The following LMNB2 variants were observed in gnomAD, a reference collection of about 807,000 sequenced individuals.
LMNB2 encodes lamin-B2.
LMNB2 carries 17 observed loss-of-function variants against 69.3 expected under a neutral mutation model. The ratio of observed to expected loss-of-function variants is 0.25; its 90% CI spans 0.17 to 0.37. The LOEUF (loss-of-function observed/expected upper bound fraction) is 0.37. LMNB2 is among the 10% of genes least tolerant of loss of function. The pLI is 1.00. For synonymous variants in LMNB2, 397 were observed against 389.3 expected (o/e 1.02, Z -0.23); for missense variants, 789 against 883.6 (o/e 0.89, Z 1.36).
At position 2,453,138 on chromosome 19, in the gene LMNB2, G is replaced by A. The variant is rs560443251; in HGVS notation, c.264+3532C>T. 2.8e-4 allele frequency among the ~76,000 whole-genome samples: 42 copies of A among 152,184 alleles called. 1 individual carries two copies. The highest frequency in any genetic ancestry group is 9.4e-4 in the African/African-American group (39 of 41,512). On this transcript the variant is annotated intron_variant, in intron 1 of 11. Coordinates refer to ENST00000325327, the MANE Select transcript of LMNB2 (RefSeq NM_032737.4). This position sits in a 1 kb window ranked among gnomAD's most constrained non-coding sequence, Gnocchi z 4.4. ...CAGGTGATTCTCTTCTCGGGGCGCT[G>A]AGCAGTACCCAGCCTCCACCCACGC...
chr19:2,431,687 C>G lies in LMNB2; in HGVS notation c.1711-29G>C, dbSNP rs916303495. ...TGCGGGACAGGACACGGCGGCATGT[C>G]CCGGGATCGGGCCCAGAGCTGCTGT... On this transcript the variant is annotated intron_variant, in intron 10 of 11. Coordinates refer to ENST00000325327, the MANE Select transcript of LMNB2 (RefSeq NM_032737.4). 2.5e-6 allele frequency: 4 copies of G among 1,613,906 alleles called. No homozygotes were observed. The African/African-American group carries it at 5.3e-5, about 22-fold the overall frequency.
chr19:2,434,248 G>A (rs773199092), intron 7 of LMNB2, 47 bp downstream of exon 7: 2 of 1,548,990 alleles, frequency 1.3e-6, no homozygotes, highest in Non-Finnish European at 1.8e-6. Flanking sequence ...CTCCTGCCCT[G>A]CCCCTCCTCC....
chr19:2,452,896 C>T (rs146742890), intron 1 of LMNB2, among the ~76,000 whole-genome samples: 1 of 148,176 alleles, frequency 6.7e-6, no homozygotes, highest in Non-Finnish European at 1.5e-5. Flanking sequence ...ATGGAGGCTG[C>T]GTCATCCTCG....
rs1413373734 is a variant in LMNB2, at chr19:2,438,498, G to C, written c.435C>G (p.Ala145=). ...AKKREGELTV[A]QGRVKDLESL... ...ACTCCAGGTCCTTCACACGGCCCTGGGCCACCGTAAGCTCGCCCTCCCTCT... is the reference window on the plus strand; with the variant it reads ...ACTCCAGGTCCTTCACACGGCCCTGCGCCACCGTAAGCTCGCCCTCCCTCT... The change falls in exon 3 of 12, where the codon GCC becomes GCG. Residue 145 remains alanine (A), a synonymous_variant. Transcript: ENST00000325327. 6.2e-7 allele frequency: 1 copy of C among 1,610,652 alleles called. No individual in the cohort carries two copies. The highest frequency in any genetic ancestry group is 1.3e-5 in the African/African-American group (1 of 74,984).
chr19:2,455,961 C>A (rs543257297), intron 1 of LMNB2, among the ~76,000 whole-genome samples: 143 of 150,290 alleles, frequency 9.5e-4, no homozygotes, highest in African/African-American at 3.1e-3. Context: ...AAGCCGGGAC[C>A]CTTCCCGGTC....
chr19:2,437,104 C>CT (rs935232983), intron 4 of LMNB2: 1 of 153,188 alleles, frequency 6.5e-6, no homozygotes, highest in Non-Finnish European at 1.5e-5. Flanking sequence ...CCTGAGCGGC[C>CT]TGGACATCCC....
In LMNB2 at chr19:2,434,529, G is replaced by A. The variant is rs1190710412; in HGVS notation, c.982-14C>T. 10 of 1,609,184 alleles carry A rather than the reference G, an allele frequency of 6.2e-6. No individual in the cohort carries two copies. In the East Asian group the frequency reaches 6.7e-5, roughly 11 times the overall value. On this transcript the variant is annotated splice_polypyrimidine_tract_variant and intron_variant, in intron 6 of 11. Coordinates refer to ENST00000325327, the MANE Select transcript of LMNB2 (RefSeq NM_032737.4). ...AGCGGCACTGGCCTGCGGAGGGGGCGGGTGGCGAAGGTCAGGGCAGCCCAT... is the reference window on the plus strand; with the variant it reads ...AGCGGCACTGGCCTGCGGAGGGGGCAGGTGGCGAAGGTCAGGGCAGCCCAT...
intron 2 of LMNB2, among the ~76,000 whole-genome samples, chr19:2,439,165 C>T (rs12162271): frequency 0.092 from 13,760 of 148,894 alleles, 902 homozygotes; most frequent in East Asian, 0.38. Context: ...ATTACAGGTG[C>T]GAGCCACCGC....
Position 2,428,317 on chromosome 19 carries a change from GCAGCC to G in LMNB2, c.*2589_*2593del, listed in dbSNP as rs2145439685. 6.6e-6 allele frequency: 1 copy of G among 152,334 alleles called. No individual in the cohort carries two copies. The highest frequency in any genetic ancestry group is 1.5e-5 in the Non-Finnish European group (1 of 68,044). 9.4% of individuals were successfully genotyped at this position (152,334 alleles called of 1,614,324 possible). ...ATGAAAGTCCATGCCAGCCCCAGCT[GCAGCC>G]CAGCTCCGTTTTTGCAGGTTGTGCT... On this transcript the variant is annotated 3_prime_UTR_variant, in exon 12 of 12. Transcript: ENST00000325327.
At chr19:2,435,205 G>A (rs376188329) in intron 4 of LMNB2, 34 bp from the exon 5 acceptor site, 17 of 1,596,224 alleles carry the variant, frequency 1.1e-5, no homozygotes, top group East Asian at 4.5e-5. Context: ...CTCTGGTCCC[G>A]CCTGGGCCCC....
At chr19:2,431,476 T>C in intron 11 of LMNB2, 72 bp downstream of exon 11, 1 of 1,599,118 alleles carries the variant, frequency 6.3e-7, no homozygotes, top group Non-Finnish European at 8.6e-7. Flanking sequence ...AGCACGCATG[T>C]GTATGTGTGT....
intron 1 of LMNB2, among the ~76,000 whole-genome samples, chr19:2,445,589 C>T (rs1240624771): frequency 1.5e-5 from 2 of 132,814 alleles, no homozygotes; most frequent in South Asian, 5.4e-4. Flanking sequence ...TCCCCAACTC[C>T]CCACCCCACC....
At chr19:2,444,568 G>A (rs773232402) in intron 1 of LMNB2, 28 bp from the exon 2 acceptor site, 21 of 1,603,606 alleles carry the variant, frequency 1.3e-5, no homozygotes, top group East Asian at 4.5e-5. Context: ...AGGGTGAAGC[G>A]AGAGGGACCC....
chr19:2,452,759 T>G (rs1370100882), intron 1 of LMNB2, among the ~76,000 whole-genome samples: 1 of 152,052 alleles, frequency 6.6e-6, no homozygotes, highest in African/African-American at 2.4e-5. Flanking sequence ...TGTGAGGACC[T>G]CGGGGGCCGC....
chr19:2,432,493 T>C lies in LMNB2; in HGVS notation c.1513A>G (p.Arg505Gly). The change falls in exon 9 of 12, where the codon AGG (arginine) becomes GGG (glycine). Residue 505 changes from arginine (R) to glycine (G), a missense_variant. Physicochemically the swap from Arg to Gly is moderately radical, Grantham distance 125. This residue lies in a region of LMNB2 where 609 missense variants were observed against 630.9 expected (regional missense o/e 0.97). Coordinates refer to ENST00000325327, the MANE Select transcript of LMNB2 (RefSeq NM_032737.4). The part of the protein sequence containing the change: ...DQSLGNWRIK[R>G]QVLEGEEIAY... ...ATCTCCTCCCCCTCCAAGACCTGCC[T>C]CTTGATTCTCCAGTTCCCCAGAGAC... 1 of 1,613,828 alleles carries C rather than the reference T, an allele frequency of 6.2e-7. No individual in the cohort carries two copies. The highest frequency in any genetic ancestry group is 1.7e-5 in the Admixed American group (1 of 60,006).
chr19:2,437,453 A>G (rs2145453005), intron 4 of LMNB2, among the ~76,000 whole-genome samples: 1 of 152,360 alleles, frequency 6.6e-6, no homozygotes, highest in African/African-American at 2.4e-5. Context: ...CAGGGTGGGA[A>G]CACCAAGCTT....
At chr19:2,437,058 C>G (rs754788843) in intron 4 of LMNB2, 2 of 152,748 alleles carry the variant, frequency 1.3e-5, no homozygotes, top group Non-Finnish European at 2.9e-5. Context: ...TGGGGCCCCC[C>G]CCACTCCCTG....
At chr19:2,440,541 T>TACCCATCATCCATCCATCCATCC (rs914860310) in intron 2 of LMNB2, among the ~76,000 whole-genome samples, 4 of 152,082 alleles carry the variant, frequency 2.6e-5, no homozygotes, top group African/African-American at 9.7e-5. Flanking sequence ...TCTATCCATC[T>TACCCATCATCCATCCATCCATCC]ACCCATCATC....
rs1972095470 is a variant in LMNB2, at chr19:2,456,733, C to A, written c.201G>T (p.Leu67=). The A allele has an allele frequency of 2.6e-6, 4 of 1,565,916 alleles. No individual in the cohort carries two copies. Among genetic ancestry groups the A allele is most frequent in the Non-Finnish European group, 3.5e-6 (4 of 1,156,588 alleles). ...GCAGGAGCCGGTCGTTCTCCAGCTC[C>A]AGCGCGCGGACGCGGTCGATGTAGT... The part of the protein sequence containing the change: ...LAHYIDRVRA[L]ELENDRLLLK... Residue 67 remains leucine, a synonymous_variant, in exon 1 of 12, where the codon CTG becomes CTT. Transcript: ENST00000325327.
Sources: allele counts gnomAD v4.1 joint callset (sites outside exome capture counted in the v4.1 genomes callset), GRCh38; gene constraint gnomAD v4.1.1; regional missense constraint gnomAD v4.1.1; non-coding constraint Gnocchi (gnomAD v3.1); transcripts MANE v1.5; gene names NCBI Gene and HGNC (gene_info 2026-07-23, HGNC 2026-07-21).